The following DPP6 variants were observed in gnomAD, a reference collection of about 807,000 sequenced individuals.
The protein encoded by DPP6 is dipeptidyl peptidase like 6, also known as A-type potassium channel modulatory protein DPP6.
Under a neutral mutation model 122.6 loss-of-function variants are expected in DPP6, and 69 were observed. That is an observed-to-expected ratio of 0.56 (90% CI 0.46 to 0.69). The LOEUF is 0.69. Ranked by LOEUF, DPP6 falls within the 30% of genes least tolerant of loss-of-function variation. The probability of loss-of-function intolerance (pLI) is 0.00; values close to 1 mark genes in which losing one functional copy is unlikely to be tolerated. For synonymous variants in DPP6, 418 were observed against 433.1 expected (o/e 0.97, Z 0.43); for missense variants, 928 against 1,116.9 (o/e 0.83, Z 2.41).
At chr7:154,577,188 G>T (rs1349185316) in intron 5 of DPP6, among the ~76,000 whole-genome samples, 2 of 152,120 alleles carry the variant, frequency 1.3e-5, no homozygotes, top group Non-Finnish European at 2.9e-5. Flanking sequence ...AGATCCCAGG[G>T]ACTCACAGGA....
chr7:154,717,719 A>G (rs1200824768), intron 7 of DPP6, among the ~76,000 whole-genome samples: 1 of 152,186 alleles, frequency 6.6e-6, no homozygotes, highest in Non-Finnish European at 1.5e-5. Flanking sequence ...AAGTGCACGT[A>G]TCTCAGCTTA....
At chr7:154,501,767 C>A (rs1325759413) in intron 3 of DPP6, among the ~76,000 whole-genome samples, 1 of 152,202 alleles carries the variant, frequency 6.6e-6, no homozygotes, top group Admixed American at 6.5e-5. Context: ...AGCCCCGACA[C>A]AGAATCCCTA....
At chr7:154,362,178 A>G (rs1811786523) in intron 1 of DPP6, among the ~76,000 whole-genome samples, 1 of 152,222 alleles carries the variant, frequency 6.6e-6, no homozygotes, top group Non-Finnish European at 1.5e-5. Flanking sequence ...ACTGAAGTCA[A>G]TAGCTGGTCC....
chr7:154,022,738 G>A (rs1390588873), intron 1 of DPP6, among the ~76,000 whole-genome samples: 1 of 152,140 alleles, frequency 6.6e-6, no homozygotes, highest in Non-Finnish European at 1.5e-5. Context: ...TCTGGAAAAA[G>A]GACAGGCATA....
chr7:154,758,280 A>C (rs2131499239), intron 8 of DPP6, among the ~76,000 whole-genome samples: 1 of 152,270 alleles, frequency 6.6e-6, no homozygotes, highest in South Asian at 2.1e-4. Context: ...AAGGCCCGCA[A>C]GTTCATGGCC....
At chr7:154,682,413 G>GTCTC (rs1563099128) in intron 7 of DPP6, among the ~76,000 whole-genome samples, 2 of 152,190 alleles carry the variant, frequency 1.3e-5, no homozygotes, top group East Asian at 3.8e-4. Flanking sequence ...CGAGGTGATC[G>GTCTC]TCTCCGCAGT....
intron 1 of DPP6, among the ~76,000 whole-genome samples, chr7:154,257,102 TC>T (rs1802707363): frequency 6.7e-6 from 1 of 150,102 alleles, no homozygotes; most frequent in African/African-American, 2.4e-5. Flanking sequence ...ACTCAAACGA[TC>T]CTCCCACCTC....
chr7:154,453,130 C>T (rs1171976394), intron 2 of DPP6, among the ~76,000 whole-genome samples: 3 of 152,134 alleles, frequency 2.0e-5, no homozygotes, highest in African/African-American at 2.4e-5. Context: ...CAATCGCTGA[C>T]GTGGGGGTCG....
At chr7:154,803,655 C>T (rs1027399303) in intron 13 of DPP6, among the ~76,000 whole-genome samples, 3 of 152,092 alleles carry the variant, frequency 2.0e-5, no homozygotes, top group African/African-American at 7.2e-5. Flanking sequence ...ATTCGGGGGT[C>T]GGGGAGGCTG....
chr7:154,002,416 C>A (rs1160950512), intron 1 of DPP6, among the ~76,000 whole-genome samples: 1 of 152,214 alleles, frequency 6.6e-6, no homozygotes, highest in African/African-American at 2.4e-5. Context: ...CAACCTTACA[C>A]CCCTCAAGGA....
At chr7:154,809,933 C>T (rs1383410121) in intron 16 of DPP6, among the ~76,000 whole-genome samples, 1 of 152,140 alleles carries the variant, frequency 6.6e-6, no homozygotes, top group Non-Finnish European at 1.5e-5. Context: ...GCACTAGTGC[C>T]ATCTCAGCTC....
chr7:154,474,845 A>T (rs142197620), intron 2 of DPP6, 94 bp from the exon 3 acceptor site: 18,230 of 947,010 alleles, frequency 0.019, 241 homozygotes, highest in Non-Finnish European at 0.022. Context: ...GTTCCCATCC[A>T]TACTATTTAT....
At chr7:154,626,040 C>T (rs1187534132) in intron 5 of DPP6, among the ~76,000 whole-genome samples, 1 of 152,092 alleles carries the variant, frequency 6.6e-6, no homozygotes, top group Non-Finnish European at 1.5e-5. Context: ...ACCTGTTTCT[C>T]AGTGGCCGCC....
intron 8 of DPP6, among the ~76,000 whole-genome samples, chr7:154,748,611 T>C (rs10230625): frequency 0.06 from 9,137 of 152,282 alleles, 921 homozygotes; most frequent in African/African-American, 0.21. Flanking sequence ...TGTGTGGTGC[T>C]GGACGCTTCC....
chr7:154,124,863 C>T (rs543003159), intron 1 of DPP6, among the ~76,000 whole-genome samples: 8 of 151,946 alleles, frequency 5.3e-5, no homozygotes, highest in East Asian at 3.9e-4. Flanking sequence ...GGCCTGGACT[C>T]GAAATAAAAT....
At chr7:154,050,687 A>T (rs1445686414), upstream of DPP6, among the ~76,000 whole-genome samples, 2 of 151,196 alleles carry the variant, frequency 1.3e-5, no homozygotes, top group Non-Finnish European at 2.9e-5. Flanking sequence ...AGTCAAATGG[A>T]GCAGCTGAAG....
intron 1 of DPP6, among the ~76,000 whole-genome samples, chr7:154,445,856 T>C (rs982536158): frequency 6.6e-6 from 1 of 150,908 alleles, no homozygotes; most frequent in Non-Finnish European, 1.5e-5. Context: ...TCAATGAGGG[T>C]AAGGAATTTA....
chr7:154,638,469 G>T (rs2130927950), intron 6 of DPP6, among the ~76,000 whole-genome samples: 1 of 152,240 alleles, frequency 6.6e-6, no homozygotes, highest in Non-Finnish European at 1.5e-5. Flanking sequence ...TCTGAGCTTG[G>T]CTGTGCTCCC....
intron 1 of DPP6, among the ~76,000 whole-genome samples, chr7:153,932,557 G>C (rs1801222132): frequency 6.6e-6 from 1 of 152,138 alleles, no homozygotes; most frequent in Admixed American, 6.5e-5. Context: ...GAGCTGTATT[G>C]TCTTCTCTCA....
Sources: gnomAD v4.1 joint callset for allele counts (sites outside exome capture counted in the v4.1 genomes callset) on GRCh38, gnomAD v4.1.1 for gene constraint, MANE v1.5 for transcripts, NCBI Gene and HGNC (gene_info 2026-07-23, HGNC 2026-07-21) for gene names.